The following ADCK1 variants were observed in gnomAD, a reference collection of about 807,000 sequenced individuals.
The protein encoded by ADCK1 is aarF domain-containing protein kinase 1.
A neutral mutation model predicts 52.3 loss-of-function variants in ADCK1; 41 were observed. The ratio of observed to expected loss-of-function variants is 0.78; its 90% CI spans 0.61 to 1.02. ADCK1 has a LOEUF of 1.02. ADCK1 is among the 50% of genes least tolerant of loss of function. The pLI, the probability that ADCK1 is intolerant of heterozygous loss-of-function variation, is 0.00. For synonymous variants in ADCK1, 250 were observed against 274.6 expected, an observed-to-expected ratio of 0.91 and a Z score of 0.89; for missense variants, 658 against 679.5, an observed-to-expected ratio of 0.97 and a Z score of 0.35.
At chr14:77,886,989 C>A in intron 4 of ADCK1, 102 bp from the exon 5 acceptor site, 1 of 1,295,068 alleles carries the variant, frequency 7.7e-7, no homozygotes, top group Non-Finnish European at 1.0e-6. Context: ...TCAAATCTGT[C>A]CTGGGGGCAC....
intron 3 of ADCK1, among the ~76,000 whole-genome samples, chr14:77,823,560 CTTTA>C (rs66494884): frequency 0.66 from 90,345 of 136,754 alleles, 30,386 homozygotes; most frequent in East Asian, 0.77. Context: ...TCTTTCCCCC[CTTTA>C]TTTATTTATT....
At chr14:77,863,624 G>C (rs2082599259) in intron 4 of ADCK1, among the ~76,000 whole-genome samples, 5 of 152,196 alleles carry the variant, frequency 3.3e-5, no homozygotes, top group African/African-American at 1.2e-4. Flanking sequence ...ATCACTTGAG[G>C]TCAAGAGTTC....
intron 6 of ADCK1, chr14:77,900,820 A>G: frequency 3.0e-6 from 1 of 329,300 alleles, no homozygotes; most frequent in South Asian, 2.4e-5. Context: ...TATCAATTGC[A>G]TTGGAACAAA....
intron 7 of ADCK1, among the ~76,000 whole-genome samples, chr14:77,918,580 C>G (rs1009374961): frequency 1.3e-5 from 2 of 151,952 alleles, no homozygotes; most frequent in African/African-American, 4.8e-5. Context: ...CAGTAATGGC[C>G]TTAGGTTGCT....
intron 4 of ADCK1, among the ~76,000 whole-genome samples, chr14:77,881,646 C>T (rs2083027631): frequency 6.6e-6 from 1 of 152,118 alleles, no homozygotes; most frequent in Admixed American, 6.5e-5. Flanking sequence ...GGTTTCTCAC[C>T]CTTTTCCCCC....
At chr14:77,838,344 G>T (rs1479484654) in intron 3 of ADCK1, among the ~76,000 whole-genome samples, 2 of 152,168 alleles carry the variant, frequency 1.3e-5, no homozygotes. Flanking sequence ...AGGAACTGGG[G>T]TGCTGTCCCT....
chr14:77,814,461 C>T (rs1234987897), intron 1 of ADCK1, among the ~76,000 whole-genome samples: 1 of 150,366 alleles, frequency 6.7e-6, no homozygotes, highest in African/African-American at 2.4e-5. Context: ...CCTTTCTGAG[C>T]ATGGTAGCTC....
intron 3 of ADCK1, among the ~76,000 whole-genome samples, chr14:77,851,075 G>A (rs1472880292): frequency 6.6e-6 from 1 of 150,834 alleles, no homozygotes; most frequent in African/African-American, 2.4e-5. Context: ...ACCTATTTGT[G>A]TTTTTATATT....
At chr14:77,847,817 G>A (rs1020370707) in intron 3 of ADCK1, among the ~76,000 whole-genome samples, 2 of 152,040 alleles carry the variant, frequency 1.3e-5, no homozygotes, top group South Asian at 2.1e-4. Context: ...TTTCTATAAC[G>A]AGGCCTTCCA....
chr14:77,880,649 C>T (rs902008955), intron 4 of ADCK1, among the ~76,000 whole-genome samples: 21 of 152,244 alleles, frequency 1.4e-4, no homozygotes, highest in African/African-American at 5.1e-4. Flanking sequence ...GCCTGTTCTC[C>T]CCTCTGATCA....
intron 5 of ADCK1, among the ~76,000 whole-genome samples, chr14:77,894,921 T>G (rs2083377600): frequency 6.6e-6 from 1 of 151,904 alleles, no homozygotes; most frequent in South Asian, 2.1e-4. Context: ...CCTGGCTAAT[T>G]TTTATATTTT....
rs1293095518 is a variant in ADCK1 at position 77,934,442 on chromosome 14, T to C, written c.*1051T>C. The C allele has an allele frequency of 6.6e-6, 1 of 152,182 alleles. No individual in the cohort carries two copies. The highest frequency in any genetic ancestry group is 1.5e-5 in the Non-Finnish European group (1 of 68,060). 9.4% of individuals were successfully genotyped at this position (152,182 alleles called of 1,614,324 possible). On this transcript the variant is annotated 3_prime_UTR_variant, in exon 11 of 11. Transcript: ENST00000238561. Reference sequence around the variant, plus strand: ...ACTTATCCCTTTGGTTCTCATTCAGTGGCCCCAGTTTTAGGCCTGGAATTC... The same window carrying C: ...ACTTATCCCTTTGGTTCTCATTCAGCGGCCCCAGTTTTAGGCCTGGAATTC...
chr14:77,891,018 A>G (rs146261657), intron 5 of ADCK1, among the ~76,000 whole-genome samples: 1 of 152,278 alleles, frequency 6.6e-6, no homozygotes, highest in African/African-American at 2.4e-5. Flanking sequence ...TTTCGAGCCC[A>G]GTGGAAGGTG....
chr14:77,828,060 C>T (rs1037104655), intron 3 of ADCK1: 9 of 204,916 alleles, frequency 4.4e-5, no homozygotes, highest in Non-Finnish European at 4.0e-5. Flanking sequence ...CATCTCCTGA[C>T]CTCGTGATCC....
intron 3 of ADCK1, among the ~76,000 whole-genome samples, chr14:77,853,385 G>C (rs1248403190): frequency 6.6e-6 from 1 of 152,102 alleles, no homozygotes; most frequent in East Asian, 1.9e-4. Context: ...CTCCCAAAAT[G>C]CTGGGATTAC....
chr14:77,833,378 A>G (rs570637763), intron 3 of ADCK1, among the ~76,000 whole-genome samples: 22 of 152,132 alleles, frequency 1.4e-4, no homozygotes, highest in African/African-American at 5.3e-4. Context: ...TCATCACGGA[A>G]TGTTTGCTTG....
intron 3 of ADCK1, among the ~76,000 whole-genome samples, chr14:77,852,605 A>G (rs890740638): frequency 8.3e-5 from 6 of 71,956 alleles, no homozygotes; most frequent in Non-Finnish European, 2.0e-4. Context: ...TAGTTTATAC[A>G]TTTAAAAAAA....
rs367850250 is a variant in ADCK1, at chr14:77,931,687, G to T, written c.1376G>T (p.Arg459Leu). 2.5e-6 allele frequency: 4 copies of T among 1,605,512 alleles called. No homozygotes were observed. Among genetic ancestry groups the T allele is most frequent in the South Asian group, 1.1e-5 (1 of 91,078 alleles). The change falls in exon 10 of 11, where the codon CGT becomes CTT. Residue 459 changes from arginine to leucine, a missense_variant. Transcript: ENST00000238561. ...GCCAGCTCCTTTCTCAACATGTCACGTTGCTGCATCAGAGCGCTAGCTGAG... is the reference window on the plus strand; with the variant it reads ...GCCAGCTCCTTTCTCAACATGTCACTTTGCTGCATCAGAGCGCTAGCTGAG... The part of the protein sequence containing the change: ...ASASSFLNMS[R>L]CCIRALAEHK...
intron 9 of ADCK1, among the ~76,000 whole-genome samples, chr14:77,928,740 A>T (rs2084256093): frequency 6.6e-6 from 1 of 152,218 alleles, no homozygotes; most frequent in South Asian, 2.1e-4. Context: ...GATTACAGTC[A>T]TGAGCCACCG....
Sources: gnomAD v4.1 joint callset for allele counts (sites outside exome capture counted in the v4.1 genomes callset) on GRCh38, gnomAD v4.1.1 for gene constraint, MANE v1.5 for transcripts, NCBI Gene and HGNC (gene_info 2026-07-23, HGNC 2026-07-21) for gene names.